SLC35E2B: variants seen among roughly 807,000 people sequenced by gnomAD.
The protein encoded by SLC35E2B is solute carrier family 35, member E2B.
A neutral mutation model predicts 32.4 loss-of-function variants in SLC35E2B; 18 were observed. The observed-to-expected ratio is 0.56, with a 90% CI of 0.38 to 0.82. The LOEUF (loss-of-function observed/expected upper bound fraction) is 0.82, where lower values mean the gene tolerates loss of function less well. Ranked by LOEUF, SLC35E2B falls within the 40% of genes least tolerant of loss-of-function variation. SLC35E2B has a pLI of 0.00. For missense variants in SLC35E2B, 263 were observed against 469.5 expected (o/e 0.56, Z 4.06); for synonymous variants, 132 against 209.1 (o/e 0.63, Z 3.18).
chr1:1,669,838 C>T (rs1420010853), intron 7 of SLC35E2B, 102 bp from the exon 8 acceptor site: 15 of 1,221,482 alleles, frequency 1.2e-5, no homozygotes, highest in African/African-American at 6.0e-5. Flanking sequence ...GCCCAGAAGA[C>T]GTTCATTCTC....
chr1:1,681,934 G>A (rs906517569), intron 2 of SLC35E2B, among the ~76,000 whole-genome samples: 5 of 140,100 alleles, frequency 3.6e-5, no homozygotes, highest in Non-Finnish European at 4.6e-5. Flanking sequence ...GCAGCGAGCC[G>A]AGATCGCGCC....
chr1:1,663,758 C>T lies in SLC35E2B; in HGVS notation c.*2024G>A, dbSNP rs1403648301. 3.3e-5 allele frequency: 25 copies of T among 761,180 alleles called. 7 individuals carry two copies. The highest frequency in any genetic ancestry group is 1.2e-4 in the East Asian group (1 of 8,302). The allele number at this position is 761,180 out of a possible 1,614,324, so 47.2% of individuals were successfully genotyped here. On this transcript the variant is annotated 3_prime_UTR_variant, in exon 10 of 10. Coordinates refer to ENST00000617444, the MANE Select transcript of SLC35E2B (RefSeq NM_001290264.2). ...TGCTGCGATTAGAGGCGTGAGCCAC[C>T]GCACCCAGTCTTCTATTAGTTTTTG...
At chr1:1,670,624 T>TGA (rs1643663963) in intron 6 of SLC35E2B, 1 of 155,018 alleles carries the variant, frequency 6.5e-6, no homozygotes, top group Admixed American at 6.4e-5. Flanking sequence ...GGTTTCACCA[T>TGA]GTTAGCCAGG....
intron 7 of SLC35E2B, 122 bp downstream of exon 7, chr1:1,669,976 G>A (rs1276865466): frequency 8.9e-6 from 9 of 1,008,398 alleles, no homozygotes; most frequent in Middle Eastern, 2.1e-4. Context: ...CAGGGTACTT[G>A]TAAAGGCCAC....
At position 1,663,387 on chromosome 1, in the gene SLC35E2B, G is replaced by A. The variant is rs1169867862; in HGVS notation, c.*2395C>T. ...AGAGGCCGGCAGCCACATTCTCGAC[G>A]GGGAGGTGGACAAGGCCACCCTGGG... On this transcript the variant is annotated 3_prime_UTR_variant, in exon 10 of 10. Coordinates refer to ENST00000617444, the MANE Select transcript of SLC35E2B (RefSeq NM_001290264.2). 124 of 877,390 alleles carry A rather than the reference G, an allele frequency of 1.4e-4. 13 individuals are homozygous for A. The highest frequency in any genetic ancestry group is 1.5e-4 in the Non-Finnish European group (111 of 747,660). The allele number at this position is 877,390 out of a possible 1,614,324, so 54.4% of individuals were successfully genotyped here.
At chr1:1,679,514 G>C (rs1049486246) in intron 2 of SLC35E2B, among the ~76,000 whole-genome samples, 3 of 152,062 alleles carry the variant, frequency 2.0e-5, no homozygotes, top group East Asian at 3.8e-4. Flanking sequence ...TGACGCTGCC[G>C]TTCTCTGTAC....
chr1:1,683,625 C>T (rs988844242), intron 2 of SLC35E2B, among the ~76,000 whole-genome samples: 3 of 152,074 alleles, frequency 2.0e-5, no homozygotes, highest in Non-Finnish European at 4.4e-5. Context: ...TCGCTCGCTG[C>T]GTCCCTGAGG....
chr1:1,674,565 C>G (rs1017500361), intron 5 of SLC35E2B, among the ~76,000 whole-genome samples: 13 of 150,538 alleles, frequency 8.6e-5, no homozygotes, highest in Non-Finnish European at 1.6e-4. Context: ...TGCAGTGAGT[C>G]GTGACCTCGC....
chr1:1,670,288 CTTTTT>C (rs1417248846), intron 6 of SLC35E2B, 137 bp from the exon 7 acceptor site: 1 of 646,598 alleles, frequency 1.5e-6, no homozygotes, highest in Admixed American at 2.7e-5. Flanking sequence ...CGCCTGGTTA[CTTTTT>C]TTATTTTTAG....
chr1:1,677,304 G>A (rs1247027418), intron 2 of SLC35E2B, among the ~76,000 whole-genome samples: 4 of 147,410 alleles, frequency 2.7e-5, no homozygotes, highest in African/African-American at 5.0e-5. Context: ...TTCTCTGCGC[G>A]TGTTGGCGGA....
chr1:1,684,585 A>T (rs1243556091), intron 2 of SLC35E2B, among the ~76,000 whole-genome samples: 2 of 151,980 alleles, frequency 1.3e-5, no homozygotes, highest in African/African-American at 2.4e-5. Context: ...AGGTCAGGAG[A>T]TTGAGACCAT....
intron 2 of SLC35E2B, among the ~76,000 whole-genome samples, chr1:1,689,803 A>G (rs1643997831): frequency 1.3e-5 from 2 of 151,168 alleles, no homozygotes; most frequent in South Asian, 4.2e-4. Context: ...CCTGACCAAC[A>G]TGGTGAAACC....
Position 1,690,509 on chromosome 1 carries a change from C to T in SLC35E2B, c.-148+467G>A, listed in dbSNP as rs1295526268. On this transcript the variant is annotated intron_variant, in intron 2 of 9. Transcript: ENST00000617444. ...ATCCCAGCACTTTGGGAGGCCAAGGCGGGCAGATCACCTGAGGTCAGGAGT... is the reference window on the plus strand; with the variant it reads ...ATCCCAGCACTTTGGGAGGCCAAGGTGGGCAGATCACCTGAGGTCAGGAGT... Among the ~76,000 whole-genome samples, 24 of 142,600 alleles carry T rather than the reference C, an allele frequency of 1.7e-4. 1 individual carries two copies. The East Asian group carries it at 2.7e-3, about 16-fold the overall frequency. 93.6% of individuals were successfully genotyped at this position (142,600 alleles called of 152,430 possible).
intron 5 of SLC35E2B, chr1:1,672,796 C>CA (rs1379836674): frequency 6.6e-6 from 1 of 152,574 alleles, no homozygotes; most frequent in Admixed American, 6.5e-5. Context: ...TTAAGACAGA[C>CA]AGAGTCACTT....
At position 1,665,453 on chromosome 1, in the gene SLC35E2B, C is replaced by G. The variant is rs891583013; in HGVS notation, c.*329G>C. 1.9e-6 allele frequency: 1 copy of G among 529,620 alleles called. No individual in the cohort carries two copies. Among genetic ancestry groups the G allele is most frequent in the Non-Finnish European group, 3.3e-6 (1 of 301,498 alleles). The allele number at this position is 529,620 out of a possible 1,614,324, so 32.8% of individuals were successfully genotyped here. A position where few individuals can be genotyped will look rare whatever the true frequency, so the allele number is the denominator to read the frequency against. On this transcript the variant is annotated 3_prime_UTR_variant, in exon 10 of 10. Transcript: ENST00000617444. ...GCTCTCGTTGGCACTGGACCCACCT[C>G]TGGCTCCCGGTGGACCCTGGGGTGT...
intron 2 of SLC35E2B, among the ~76,000 whole-genome samples, chr1:1,678,260 C>T (rs555746293): frequency 6.6e-6 from 1 of 152,024 alleles, no homozygotes; most frequent in African/African-American, 2.4e-5. Context: ...TGTGTTCACA[C>T]TGAGGGACGC....
Position 1,662,777 on chromosome 1 carries a change from G to A in SLC35E2B, c.*3005C>T, listed in dbSNP as rs1138961. ...TAAAGAAGCCGATGACCCAATTCGG[G>A]AGGTGGTTCAAGTGTTCTGTTCGTT... On this transcript the variant is annotated 3_prime_UTR_variant, in exon 10 of 10. Coordinates refer to ENST00000617444, the MANE Select transcript of SLC35E2B (RefSeq NM_001290264.2). 7 of 753,640 alleles carry A rather than the reference G, an allele frequency of 9.3e-6. No individual in the cohort carries two copies. The highest frequency in any genetic ancestry group is 1.3e-4 in the Admixed American group (2 of 15,186). The allele number at this position is 753,640 out of a possible 1,614,324, so 46.7% of individuals were successfully genotyped here.
chr1:1,684,445 C>T (rs1402309211), intron 2 of SLC35E2B, among the ~76,000 whole-genome samples: 2 of 152,144 alleles, frequency 1.3e-5, no homozygotes, highest in East Asian at 3.8e-4. Flanking sequence ...ACCCACAACC[C>T]AAGTGGGCCT....
chr1:1,687,043 G>A (rs1643959807), intron 2 of SLC35E2B, among the ~76,000 whole-genome samples: 2 of 152,116 alleles, frequency 1.3e-5, no homozygotes, highest in Non-Finnish European at 2.9e-5. Flanking sequence ...GCCACAGAGT[G>A]AGACTCCGTC....
Sources: allele counts gnomAD v4.1 joint callset (sites outside exome capture counted in the v4.1 genomes callset), GRCh38; gene constraint gnomAD v4.1.1; transcripts MANE v1.5; gene names NCBI Gene and HGNC (gene_info 2026-07-23, HGNC 2026-07-21).